The following PHIP variants were observed in gnomAD, a reference collection of about 807,000 sequenced individuals.
The protein encoded by PHIP is PH-interacting protein.
Under a neutral mutation model 236.8 loss-of-function variants are expected in PHIP, and 54 were observed. The ratio of observed to expected loss-of-function variants is 0.23; its 90% CI spans 0.18 to 0.29. The LOEUF is 0.29. Among genes scored for constraint, PHIP ranks in the 10% least tolerant of loss-of-function variants. The pLI is 1.00. For synonymous variants in PHIP, 756 were observed against 718.9 expected (o/e 1.05, Z -0.83); for missense variants, 1,370 against 2,190.8 (o/e 0.63, Z 7.48).
intron 25 of PHIP, among the ~76,000 whole-genome samples, 200 bp from the exon 26 acceptor site, chr6:78,970,373 G>A (rs1383268762): frequency 2.0e-5 from 3 of 151,426 alleles, no homozygotes; most frequent in South Asian, 2.1e-4. Context: ...TTTTTAAAAC[G>A]TAAAAAAGGA....
rs367802927 is a variant in PHIP at position 78,978,328 on chromosome 6, A to T, written c.2889+264T>A. Among the ~76,000 whole-genome samples, 128 of 152,218 alleles carry T rather than the reference A, an allele frequency of 8.4e-4. 1 individual carries two copies. Among genetic ancestry groups the T allele is most frequent in the African/African-American group, 2.9e-3 (120 of 41,580 alleles). On this transcript the variant is annotated intron_variant, in intron 24 of 39. Coordinates refer to ENST00000275034, the MANE Select transcript of PHIP (RefSeq NM_017934.7). ...TTTAAAAAGAAAAAGAAAGCTGGCA[A>T]TAAAAACCTCTTACTAAAACATACA...
chr6:78,935,623 G>A lies in PHIP; in HGVS notation c.*5070C>T. The A allele has an allele frequency of 1.0e-6, 1 of 981,874 alleles. No homozygotes were observed. The highest frequency in any genetic ancestry group is 1.1e-4 in the East Asian group (1 of 8,802). The allele number at this position is 981,874 out of a possible 1,614,324, so 60.8% of individuals were successfully genotyped here. ...AATGTACACATAAAAAGGCATATAA[G>A]TTTTTGACCTTCAGTTGTTTTGGAA... is the stretch of plus-strand genomic sequence containing the variant. On this transcript the variant is annotated 3_prime_UTR_variant, in exon 40 of 40. Coordinates refer to ENST00000275034, the MANE Select transcript of PHIP (RefSeq NM_017934.7).
At chr6:79,069,722 G>C (rs925742449) in intron 4 of PHIP, among the ~76,000 whole-genome samples, 16 of 151,446 alleles carry the variant, frequency 1.1e-4, no homozygotes, top group Admixed American at 2.0e-4. Flanking sequence ...CTCTAACCTG[G>C]GTAACTATTC....
chr6:79,023,251 T>C (rs779743435), intron 9 of PHIP, among the ~76,000 whole-genome samples: 2 of 152,096 alleles, frequency 1.3e-5, no homozygotes, highest in Non-Finnish European at 2.9e-5. Context: ...GCGTTTGTTG[T>C]TGTTGTTGTT....
chr6:79,056,212 C>A (rs968375759), intron 6 of PHIP, among the ~76,000 whole-genome samples: 1 of 152,142 alleles, frequency 6.6e-6, no homozygotes, highest in African/African-American at 2.4e-5. Flanking sequence ...CTTAATTCTG[C>A]CCAGTTTAAC....
At chr6:79,006,694 TGTA>T (rs1770309006) in intron 15 of PHIP, among the ~76,000 whole-genome samples, 1 of 152,018 alleles carries the variant, frequency 6.6e-6, no homozygotes, top group African/African-American at 2.4e-5. Flanking sequence ...TTACTGCAGT[TGTA>T]GTAAAATAAT....
In PHIP at chr6:78,969,815, C is replaced by T; in HGVS notation, c.3205+20G>A. The T allele has an allele frequency of 8.1e-7, 1 of 1,233,610 alleles. No individual in the cohort carries two copies. The highest frequency in any genetic ancestry group is 1.2e-6 in the Non-Finnish European group (1 of 866,714). The allele number at this position is 1,233,610 out of a possible 1,614,324, so 76.4% of individuals were successfully genotyped here. A position where few individuals can be genotyped will look rare whatever the true frequency, so the allele number is the denominator to read the frequency against. Reference sequence around the variant, plus strand: ...AAAAAACCACATCAAACATCGATAGCTTCTAAATAAATTACCCACCTATAT... The same window carrying T: ...AAAAAACCACATCAAACATCGATAGTTTCTAAATAAATTACCCACCTATAT... On this transcript the variant is annotated intron_variant, in intron 27 of 39. Transcript: ENST00000275034.
At chr6:78,945,664 A>C in intron 38 of PHIP, 167 bp from the exon 39 acceptor site, 1 of 634,426 alleles carries the variant, frequency 1.6e-6, no homozygotes, top group South Asian at 2.0e-5. Flanking sequence ...ATCCAACTAG[A>C]AACTCTTAAT....
intron 6 of PHIP, among the ~76,000 whole-genome samples, chr6:79,051,964 A>G (rs1024602225): frequency 2.0e-5 from 3 of 152,122 alleles, no homozygotes; most frequent in African/African-American, 7.2e-5. Flanking sequence ...TTTTGAGTCA[A>G]CAAACATTTA....
intron 24 of PHIP, among the ~76,000 whole-genome samples, chr6:78,971,890 C>T (rs888428731): frequency 1.3e-5 from 2 of 152,206 alleles, no homozygotes; most frequent in African/African-American, 4.8e-5. Flanking sequence ...CCCACGGAGT[C>T]TCGCTGATTG....
chr6:79,036,896 T>C (rs1378283372), intron 7 of PHIP, among the ~76,000 whole-genome samples: 1 of 117,000 alleles, frequency 8.5e-6, no homozygotes, highest in Non-Finnish European at 1.6e-5. Flanking sequence ...CACTCCAGCC[T>C]AGGTGACAGA....
At chr6:78,992,996 G>T (rs1769367589) in intron 19 of PHIP, among the ~76,000 whole-genome samples, 1 of 152,210 alleles carries the variant, frequency 6.6e-6, no homozygotes. Flanking sequence ...AGCTCTTGAA[G>T]GAAGTTAAAT....
chr6:79,017,117 T>C (rs1234048910), intron 12 of PHIP, among the ~76,000 whole-genome samples: 1 of 151,960 alleles, frequency 6.6e-6, no homozygotes, highest in East Asian at 1.9e-4. Context: ...ATATATAGGG[T>C]GATTTAAAAA....
intron 21 of PHIP, among the ~76,000 whole-genome samples, chr6:78,987,049 G>A (rs1342817813): frequency 6.6e-6 from 1 of 152,018 alleles, no homozygotes; most frequent in Non-Finnish European, 1.5e-5. Flanking sequence ...TGCCCAAAGT[G>A]ATACTTTGTT....
chr6:78,992,934 C>T (rs1451069260), intron 19 of PHIP, among the ~76,000 whole-genome samples: 3 of 152,178 alleles, frequency 2.0e-5, no homozygotes, highest in Non-Finnish European at 4.4e-5. Context: ...CTGAGACAGG[C>T]TGAAAGCTAT....
At chr6:78,946,453 T>C in intron 37 of PHIP, 193 bp from the exon 38 acceptor site, 1 of 1,403,104 alleles carries the variant, frequency 7.1e-7, no homozygotes, top group Non-Finnish European at 9.2e-7. Flanking sequence ...ATGCTAAAGT[T>C]ATATGACGGA....
rs73464124 is a variant in PHIP at position 78,988,528 on chromosome 6, T to C, written c.2320-179A>G. 3.9e-3 allele frequency among the ~76,000 whole-genome samples: 593 copies of C among 152,224 alleles called. 2 individuals are homozygous for C. Among genetic ancestry groups the C allele is most frequent in the African/African-American group, 0.014 (561 of 41,524 alleles). ...AGTTCAAGGCTGCAGGGAGGGATGA[T>C]TGCACCACTGCACTACAGCCTGGGT... is the stretch of plus-strand genomic sequence containing the variant. On this transcript the variant is annotated intron_variant, in intron 20 of 39. Coordinates refer to ENST00000275034, the MANE Select transcript of PHIP (RefSeq NM_017934.7).
intron 20 of PHIP, among the ~76,000 whole-genome samples, chr6:78,988,861 G>A (rs1055920304): frequency 2.0e-5 from 3 of 152,036 alleles, no homozygotes; most frequent in Non-Finnish European, 2.9e-5. Flanking sequence ...AATGGGCTAT[G>A]AGGCATATGT....
intron 39 of PHIP, 82 bp downstream of exon 39, chr6:78,945,218 T>G: frequency 9.7e-7 from 1 of 1,031,326 alleles, no homozygotes; most frequent in South Asian, 1.4e-5. Flanking sequence ...ACCTGAAAAG[T>G]GGATATAAAT....
Sources: allele counts gnomAD v4.1 joint callset (sites outside exome capture counted in the v4.1 genomes callset), GRCh38; gene constraint gnomAD v4.1.1; transcripts MANE v1.5; gene names NCBI Gene and HGNC (gene_info 2026-07-23, HGNC 2026-07-21).